CSMD1: variants seen among roughly 807,000 people sequenced by gnomAD.
CSMD1 encodes the protein CUB and sushi domain-containing protein 1.
CSMD1 carries 213 observed loss-of-function variants against 417.5 expected under a neutral mutation model. The ratio of observed to expected loss-of-function variants is 0.51; its 90% CI spans 0.46 to 0.57. The LOEUF is 0.57. CSMD1 is among the 20% of genes least tolerant of loss of function. The pLI, the probability that CSMD1 is intolerant of heterozygous loss-of-function variation, is 0.00. For missense variants in CSMD1, 6,923 were observed against 4,529.7 expected (o/e 1.53, Z -15.17); for synonymous variants, 2,862 against 1,736.8 (o/e 1.65, Z -16.11).
chr8:3,896,476 G>A (rs1044649565), intron 5 of CSMD1, among the ~76,000 whole-genome samples: 2 of 151,896 alleles, frequency 1.3e-5, no homozygotes, highest in African/African-American at 4.8e-5. Context: ...TCAATAAAAG[G>A]CTACCAAATA....
At chr8:4,474,090 A>C (rs1223094461) in intron 2 of CSMD1, among the ~76,000 whole-genome samples, 1 of 152,186 alleles carries the variant, frequency 6.6e-6, no homozygotes, top group Non-Finnish European at 1.5e-5. Flanking sequence ...ATTACAATCT[A>C]AACGAACATA....
rs192092956 is a variant in CSMD1, at chr8:3,393,256, T to C, written c.2593+2938A>G. ...CCTTTGAAGTCACAGTGCTGGAAAG[T>C]TCCAAACGCAACAATTTCCTGTCTT... On this transcript the variant is annotated intron_variant, in intron 17 of 69. Transcript: ENST00000635120. Among the ~76,000 whole-genome samples the C allele has an allele frequency of 1.4e-3, 208 of 152,240 alleles. 1 individual carries two copies. The highest frequency in any genetic ancestry group is 0.012 in the Admixed American group (178 of 15,294).
rs576515885 is a variant in CSMD1, at chr8:3,652,236, G to A, written c.1010-35439C>T. On this transcript the variant is annotated intron_variant, in intron 7 of 69. Transcript: ENST00000635120. ...ATCAGAGCGCCATCACCACCAGAGC[G>A]CCTACCAACGTCATTGCACTTACCA... Among the ~76,000 whole-genome samples, 14 of 148,794 alleles carry A rather than the reference G, an allele frequency of 9.4e-5. 1 individual carries two copies. The highest frequency in any genetic ancestry group is 4.3e-4 in the South Asian group (2 of 4,630).
intron 2 of CSMD1, among the ~76,000 whole-genome samples, chr8:4,581,417 T>G (rs1489455568): frequency 6.6e-6 from 1 of 152,236 alleles, no homozygotes; most frequent in Non-Finnish European, 1.5e-5. Context: ...AATTTTTATC[T>G]TTTTGAGCTT....
chr8:4,533,589 A>T (rs1241918957), intron 2 of CSMD1, among the ~76,000 whole-genome samples: 2 of 152,140 alleles, frequency 1.3e-5, no homozygotes, highest in African/African-American at 4.8e-5. Context: ...AACCAATCCG[A>T]GAAGAGGATG....
chr8:4,881,442 T>C (rs1022078656), intron 1 of CSMD1, among the ~76,000 whole-genome samples: 2 of 46,922 alleles, frequency 4.3e-5, no homozygotes, highest in Non-Finnish European at 1.3e-4. Flanking sequence ...TATCTATCTA[T>C]CTATCTATCT....
rs117618662 is a variant in CSMD1 at position 4,691,383 on chromosome 8, A to G, written c.86-53825T>C. On this transcript the variant is annotated intron_variant, in intron 1 of 69. Transcript: ENST00000635120. Reference sequence around the variant, plus strand: ...GGCCCACTCACCTAGATAGACACCTATTACTAAAGCAACCACCTTCTTGCA... The same window carrying G: ...GGCCCACTCACCTAGATAGACACCTGTTACTAAAGCAACCACCTTCTTGCA... 7.4e-3 allele frequency among the ~76,000 whole-genome samples: 1,130 copies of G among 152,322 alleles called. 15 individuals are homozygous for G. Among genetic ancestry groups the G allele is most frequent in the South Asian group, 0.037 (180 of 4,828 alleles).
chr8:4,315,904 G>T (rs1438048261), intron 3 of CSMD1, among the ~76,000 whole-genome samples: 1 of 152,072 alleles, frequency 6.6e-6, no homozygotes, highest in Non-Finnish European at 1.5e-5. Context: ...TAAAGCTAAA[G>T]ATGCACTCAA....
intron 3 of CSMD1, among the ~76,000 whole-genome samples, chr8:4,157,266 C>T (rs759159845): frequency 3.3e-5 from 5 of 152,184 alleles, no homozygotes; most frequent in Non-Finnish European, 7.3e-5. Context: ...TACATCCTGT[C>T]TGTGACTAGT....
intron 3 of CSMD1, among the ~76,000 whole-genome samples, chr8:4,155,048 A>C (rs1796760039): frequency 6.6e-6 from 1 of 152,176 alleles, no homozygotes; most frequent in Non-Finnish European, 1.5e-5. Flanking sequence ...ACTGCTGCAG[A>C]ATTTGTCCTG....
intron 54 of CSMD1, among the ~76,000 whole-genome samples, chr8:2,987,459 T>C (rs533364834): frequency 6.7e-6 from 1 of 149,168 alleles, no homozygotes; most frequent in African/African-American, 2.4e-5. Context: ...AGAAGTATAT[T>C]TCTATATATA....
chr8:4,352,377 AAT>A, intron 3 of CSMD1, among the ~76,000 whole-genome samples: 1 of 152,364 alleles, frequency 6.6e-6, no homozygotes, highest in East Asian at 1.9e-4. Context: ...AACAGCAATA[AAT>A]ATGTCTGTAG....
chr8:4,677,004 T>A (rs1458535883), intron 1 of CSMD1, among the ~76,000 whole-genome samples: 3 of 144,808 alleles, frequency 2.1e-5, no homozygotes, highest in Non-Finnish European at 4.5e-5. Flanking sequence ...ATATAAAATT[T>A]TATATAGAAT....
At chr8:4,609,776 A>T (rs973989411) in intron 2 of CSMD1, among the ~76,000 whole-genome samples, 9 of 152,208 alleles carry the variant, frequency 5.9e-5, no homozygotes, top group African/African-American at 2.2e-4. Context: ...TGAAACAGGA[A>T]CAAACAAACA....
At chr8:4,540,697 A>G (rs1797337121) in intron 2 of CSMD1, among the ~76,000 whole-genome samples, 1 of 152,202 alleles carries the variant, frequency 6.6e-6, no homozygotes, top group Admixed American at 6.5e-5. Flanking sequence ...TCCTGAGTTC[A>G]CTGTAACTGC....
At chr8:4,602,319 C>T (rs901709754) in intron 2 of CSMD1, among the ~76,000 whole-genome samples, 17 of 152,020 alleles carry the variant, frequency 1.1e-4, no homozygotes, top group Admixed American at 2.6e-4. Flanking sequence ...TTCAGAGGTC[C>T]GAAGCCAAAC....
intron 3 of CSMD1, among the ~76,000 whole-genome samples, chr8:4,228,830 C>G (rs1396151309): frequency 6.6e-6 from 1 of 151,962 alleles, no homozygotes; most frequent in Non-Finnish European, 1.5e-5. Flanking sequence ...ACTTCATGTG[C>G]ACCACTGTGC....
intron 3 of CSMD1, among the ~76,000 whole-genome samples, chr8:4,297,982 G>A (rs1179181316): frequency 6.6e-6 from 1 of 152,132 alleles, no homozygotes; most frequent in Non-Finnish European, 1.5e-5. Flanking sequence ...ATATGGTGAA[G>A]AGGTGCTAAA....
chr8:4,593,363 T>TA (rs1188399756), intron 2 of CSMD1, among the ~76,000 whole-genome samples: 1 of 152,222 alleles, frequency 6.6e-6, no homozygotes, highest in East Asian at 1.9e-4. Context: ...ATTGTCATGA[T>TA]AAAAAATTAA....
Sources: gnomAD v4.1 joint callset for allele counts (sites outside exome capture counted in the v4.1 genomes callset) on GRCh38, gnomAD v4.1.1 for gene constraint, MANE v1.5 for transcripts, NCBI Gene and HGNC (gene_info 2026-07-23, HGNC 2026-07-21) for gene names.